The following CCDC14 variants were observed in gnomAD, a reference collection of about 807,000 sequenced individuals.
CCDC14 encodes coiled-coil domain-containing protein 14.
CCDC14 carries 71 observed loss-of-function variants against 81.4 expected under a neutral mutation model. That is an observed-to-expected ratio of 0.87 (90% CI 0.72 to 1.06). The LOEUF is 1.06. CCDC14 is among the 50% of genes least tolerant of loss of function. CCDC14 has a pLI of 0.00. For synonymous variants in CCDC14, 332 were observed against 364.8 expected (o/e 0.91, Z 1.03); for missense variants, 1,046 against 1,047.3 (o/e 1.00, Z 0.02).
At chr3:123,896,394 T>C (rs1234498179), downstream of CCDC14, among the ~76,000 whole-genome samples, 1 of 152,226 alleles carries the variant, frequency 6.6e-6, no homozygotes, top group Non-Finnish European at 1.5e-5. Flanking sequence ...TACCCAGTTT[T>C]AGGTATTCTA....
At position 123,914,951 on chromosome 3, in the gene CCDC14, G is replaced by A. The variant is rs762078729; in HGVS notation, c.2546C>T (p.Thr849Ile). 2.4e-5 allele frequency: 38 copies of A among 1,613,920 alleles called. No individual in the cohort carries two copies. Among genetic ancestry groups the A allele is most frequent in the Non-Finnish European group, 3.0e-5 (35 of 1,179,894 alleles). Residue 849 changes from threonine to isoleucine, a missense_variant, in exon 13 of 13, where the codon ACT (threonine) becomes ATT (isoleucine). Coordinates refer to ENST00000409697, the MANE Select transcript of CCDC14 (RefSeq NM_001366335.1). ...LSNSLQVKGN[T>I]VCDGSVFTSD... ...AGTGAAAACACTACCATCACAGACAGTATTGCCTTTCACTTGAAGGCTGTT... is the reference window on the plus strand; with the variant it reads ...AGTGAAAACACTACCATCACAGACAATATTGCCTTTCACTTGAAGGCTGTT...
At chr3:123,889,649 C>T in the CCDC14 span, among the ~76,000 whole-genome samples, 1 of 152,216 alleles carries the variant, frequency 6.6e-6, no homozygotes, top group Non-Finnish European at 1.5e-5. Context: ...GCATTGAGTG[C>T]CTGCAGCTTT....
intron 5 of CCDC14, among the ~76,000 whole-genome samples, chr3:123,900,518 A>C (rs1288783542): frequency 6.6e-6 from 1 of 152,210 alleles, no homozygotes; most frequent in African/African-American, 2.4e-5. Flanking sequence ...CTTCCTGGTA[A>C]TGTGAGAGGG....
rs1031535980 is a variant in CCDC14 at position 123,915,736 on chromosome 3, G to C, written c.1779-18C>G. 1 of 1,525,392 alleles carries C rather than the reference G, an allele frequency of 6.6e-7. No homozygotes were observed. The highest frequency in any genetic ancestry group is 8.9e-7 in the Non-Finnish European group (1 of 1,126,210). 94.5% of individuals were successfully genotyped at this position (1,525,392 alleles called of 1,614,324 possible). A position where few individuals can be genotyped will look rare whatever the true frequency, so the allele number is the denominator to read the frequency against. ...GTAAAGTTCTGTTAAGAAGAATCCA[G>C]AACACTAATTATTATTTTTTACCTG... On this transcript the variant is annotated intron_variant, in intron 12 of 12. Transcript: ENST00000409697.
At chr3:123,951,308 A>T (rs1265510322) in intron 5 of CCDC14, among the ~76,000 whole-genome samples, 1 of 152,202 alleles carries the variant, frequency 6.6e-6, no homozygotes, top group Non-Finnish European at 1.5e-5. Flanking sequence ...TAAATATATC[A>T]TATTCATAAA....
chr3:123,894,022 T>C (rs1009959888), downstream of CCDC14, among the ~76,000 whole-genome samples: 1 of 152,230 alleles, frequency 6.6e-6, no homozygotes, highest in African/African-American at 2.4e-5. Flanking sequence ...ATTGATGTCA[T>C]ACCAAAGAAA....
chr3:123,909,784 A>G (rs2034401485), downstream of CCDC14, among the ~76,000 whole-genome samples: 1 of 152,222 alleles, frequency 6.6e-6, no homozygotes, highest in Admixed American at 6.5e-5. Flanking sequence ...AGAGAATGGC[A>G]CAGAGCTAGG....
Position 123,915,726 on chromosome 3 carries a change from G to A in CCDC14, c.1779-8C>T. On this transcript the variant is annotated splice_region_variant and splice_polypyrimidine_tract_variant and intron_variant, in intron 12 of 12. Coordinates refer to ENST00000409697, the MANE Select transcript of CCDC14 (RefSeq NM_001366335.1). Reference sequence around the variant, plus strand: ...ATGCTAGTCTGTAAAGTTCTGTTAAGAAGAATCCAGAACACTAATTATTAT... The same window carrying A: ...ATGCTAGTCTGTAAAGTTCTGTTAAAAAGAATCCAGAACACTAATTATTAT... The A allele has an allele frequency of 1.3e-6, 2 of 1,567,866 alleles. No homozygotes were observed. Among genetic ancestry groups the A allele is most frequent in the Non-Finnish European group, 1.7e-6 (2 of 1,153,010 alleles).
rs777222371 is a variant in CCDC14 at position 123,931,290 on chromosome 3, T to G, written c.1645+18A>C. On this transcript the variant is annotated intron_variant, in intron 11 of 12. Coordinates refer to ENST00000409697, the MANE Select transcript of CCDC14 (RefSeq NM_001366335.1). ...TCCTTTTAAAAGATGTGACCATAACTACTGTCTAAATACGTACCAATTTTT... is the reference window on the plus strand; with the variant it reads ...TCCTTTTAAAAGATGTGACCATAACGACTGTCTAAATACGTACCAATTTTT... 5 of 1,570,148 alleles carry G rather than the reference T, an allele frequency of 3.2e-6. No homozygotes were observed. The East Asian group carries it at 9.1e-5, about 29-fold the overall frequency.
downstream of CCDC14, among the ~76,000 whole-genome samples, chr3:123,893,862 G>A (rs769283293): frequency 1.2e-4 from 18 of 152,186 alleles, no homozygotes; most frequent in Admixed American, 4.6e-4. Context: ...TTGGAGAAAC[G>A]TCTATCGAAT....
intron 12 of CCDC14, among the ~76,000 whole-genome samples, chr3:123,919,178 C>G (rs533325497): frequency 2.8e-4 from 42 of 152,134 alleles, no homozygotes; most frequent in Non-Finnish European, 4.6e-4. Flanking sequence ...ACTTTAGTGT[C>G]CCTACCTAAC....
intron 9 of CCDC14, among the ~76,000 whole-genome samples, chr3:123,943,127 T>C (rs772743515): frequency 2.6e-5 from 4 of 151,876 alleles, no homozygotes; most frequent in Non-Finnish European, 5.9e-5. Context: ...TACATACACA[T>C]ATATATACGT....
At chr3:123,921,141 C>A (rs562733939) in intron 12 of CCDC14, among the ~76,000 whole-genome samples, 1 of 152,114 alleles carries the variant, frequency 6.6e-6, no homozygotes, top group Admixed American at 6.5e-5. Flanking sequence ...AAAAAAGGAT[C>A]TACAAAACAA....
At chr3:123,905,784 A>G (rs2034293747) in intron 5 of CCDC14, among the ~76,000 whole-genome samples, 2 of 152,214 alleles carry the variant, frequency 1.3e-5, no homozygotes, top group Non-Finnish European at 2.9e-5. Flanking sequence ...GGGGAAAATA[A>G]TGATATAAAC....
chr3:123,892,347 G>T (rs2034002057), downstream of CCDC14, among the ~76,000 whole-genome samples: 1 of 152,222 alleles, frequency 6.6e-6, no homozygotes, highest in African/African-American at 2.4e-5. Context: ...AGCTGGAGCA[G>T]CTGGGACTCA....
intron 12 of CCDC14, among the ~76,000 whole-genome samples, chr3:123,918,761 C>T (rs531098766): frequency 2.6e-5 from 4 of 152,076 alleles, no homozygotes; most frequent in Admixed American, 1.3e-4. Flanking sequence ...TTGGGGTTAG[C>T]GGAAAACAAA....
chr3:123,952,519 T>C (rs964708668), intron 5 of CCDC14: 3 of 459,296 alleles, frequency 6.5e-6, no homozygotes, highest in African/African-American at 5.9e-5. Context: ...CCAGAAGCAC[T>C]CTCAAATAAG....
At chr3:123,933,567 C>G in intron 10 of CCDC14, 106 bp downstream of exon 10, 1 of 724,960 alleles carries the variant, frequency 1.4e-6, no homozygotes, top group Non-Finnish European at 2.3e-6. Context: ...TATGTTTCTA[C>G]AATATTTTAA....
intron 12 of CCDC14, among the ~76,000 whole-genome samples, chr3:123,921,892 A>C (rs755441043): frequency 6.6e-6 from 1 of 152,266 alleles, no homozygotes; most frequent in Non-Finnish European, 1.5e-5. Context: ...TCTCATAGAC[A>C]TAATATAGAA....
Sources: gnomAD v4.1 joint callset for allele counts (sites outside exome capture counted in the v4.1 genomes callset) on GRCh38, gnomAD v4.1.1 for gene constraint, MANE v1.5 for transcripts, NCBI Gene and HGNC (gene_info 2026-07-23, HGNC 2026-07-21) for gene names.